FLT1: variants seen among roughly 807,000 people sequenced by gnomAD.
FLT1 encodes vascular endothelial growth factor receptor 1.
In FLT1, 49 loss-of-function variants were observed where a neutral mutation model predicts 156.3. The observed-to-expected ratio is 0.31, with a 90% CI of 0.25 to 0.40. The LOEUF (loss-of-function observed/expected upper bound fraction) is 0.40, where lower values mean the gene tolerates loss of function less well. FLT1 is among the 10% of genes least tolerant of loss of function. The pLI is 1.00. For missense variants in FLT1, 1,322 were observed against 1,637.2 expected, an observed-to-expected ratio of 0.81 and a Z score of 3.32; for synonymous variants, 594 against 583.8, an observed-to-expected ratio of 1.02 and a Z score of -0.25.
At chr13:28,334,898 G>A (rs1327472826) in intron 17 of FLT1, among the ~76,000 whole-genome samples, 1 of 152,110 alleles carries the variant, frequency 6.6e-6, no homozygotes. Context: ...TGGGGGGCAA[G>A]GACCATGTCT....
chr13:28,387,808 TA>T (rs11400597), intron 13 of FLT1: 490 of 925,988 alleles, frequency 5.3e-4, no homozygotes, highest in African/African-American at 3.6e-3. Flanking sequence ...AAAGTTTCTT[TA>T]AAAAAAAAAA....
intron 1 of FLT1, among the ~76,000 whole-genome samples, chr13:28,472,249 C>T (rs1566048954): frequency 6.6e-6 from 1 of 152,174 alleles, no homozygotes; most frequent in African/African-American, 2.4e-5. Flanking sequence ...GGAATGTTTT[C>T]TTTGACTTCA....
Position 28,425,514 on chromosome 13 carries a change from T to C in FLT1, c.1436+1645A>G, listed in dbSNP as rs537719423. 4.3e-5 allele frequency among the ~76,000 whole-genome samples: 6 copies of C among 138,150 alleles called. No homozygotes were observed. In the South Asian group the frequency reaches 1.4e-3, roughly 32 times the overall value. The allele number at this position is 138,150 out of a possible 152,430, so 90.6% of individuals were successfully genotyped here. ...TGGCCTCATTCCCCAAACCATATTT[T>C]ATTAGCATCACTTAAACCCAAATTT... On this transcript the variant is annotated intron_variant, in intron 10 of 29. Coordinates refer to ENST00000282397, the MANE Select transcript of FLT1 (RefSeq NM_002019.4).
chr13:28,374,560 G>A (rs1443475836), intron 14 of FLT1, among the ~76,000 whole-genome samples: 1 of 151,366 alleles, frequency 6.6e-6, no homozygotes, highest in Non-Finnish European at 1.5e-5. Context: ...CGCCCAGGCT[G>A]GAGTACAGTG....
At chr13:28,427,536 T>C (rs1877419026) in intron 9 of FLT1, among the ~76,000 whole-genome samples, 1 of 152,196 alleles carries the variant, frequency 6.6e-6, no homozygotes, top group Non-Finnish European at 1.5e-5. Flanking sequence ...CCATGGTATG[T>C]ACATTGTGAT....
chr13:28,417,898 T>A (rs1876754866), intron 10 of FLT1, among the ~76,000 whole-genome samples: 1 of 152,174 alleles, frequency 6.6e-6, no homozygotes, highest in African/African-American at 2.4e-5. Flanking sequence ...CAAACCCTCA[T>A]GTTTCCTCCT....
intron 14 of FLT1, among the ~76,000 whole-genome samples, chr13:28,367,690 G>A (rs1466583384): frequency 6.6e-6 from 1 of 152,198 alleles, no homozygotes; most frequent in African/African-American, 2.4e-5. Flanking sequence ...CAGGCCATGT[G>A]TTTGCCTCCT....
intron 10 of FLT1, among the ~76,000 whole-genome samples, chr13:28,406,940 G>A (rs919146155): frequency 1.3e-5 from 2 of 152,146 alleles, no homozygotes; most frequent in Non-Finnish European, 2.9e-5. Flanking sequence ...AAAACGTTCC[G>A]TTACTATTCC....
intron 10 of FLT1, among the ~76,000 whole-genome samples, chr13:28,407,853 T>G (rs1422331296): frequency 6.6e-6 from 1 of 152,212 alleles, no homozygotes; most frequent in Non-Finnish European, 1.5e-5. Context: ...ATGACAAAGT[T>G]TAAAAGTCAT....
Position 28,427,312 on chromosome 13 carries a change from G to T in FLT1, c.1283C>A (p.Pro428His). 6.2e-7 allele frequency: 1 copy of T among 1,613,930 alleles called. No individual in the cohort carries two copies. Among genetic ancestry groups the T allele is most frequent in the Non-Finnish European group, 8.5e-7 (1 of 1,179,924 alleles). Residue 428 changes from proline (P) to histidine (H), a missense_variant, in exon 10 of 30, where the codon CCC (proline) becomes CAC (histidine). Pro to His is a moderately conservative substitution (Grantham distance 77). Around this residue, in one of 3 missense-constraint regions of FLT1, gnomAD observed 991 missense variants for 1,254.8 expected, o/e 0.79. Coordinates refer to ENST00000282397, the MANE Select transcript of FLT1 (RefSeq NM_002019.4). Reference protein sequence around the residue: ...LTATLIVNVKPQIYEKAVSSF... With the variant: ...LTATLIVNVKHQIYEKAVSSF... ...TGACACGGCCTTTTCGTAAATCTGG[G>T]GTTTCACTGGAAAGGAGATGAAGAA...
At chr13:28,372,055 T>C (rs1873602990) in intron 14 of FLT1, among the ~76,000 whole-genome samples, 1 of 48,238 alleles carries the variant, frequency 2.1e-5, no homozygotes, top group Admixed American at 2.1e-4. Flanking sequence ...TGTGTATATA[T>C]ATATATATAT....
intron 14 of FLT1, among the ~76,000 whole-genome samples, chr13:28,380,325 A>G (rs1444584683): frequency 3.3e-5 from 5 of 152,258 alleles, no homozygotes; most frequent in Admixed American, 2.0e-4. Flanking sequence ...AGATACTCAT[A>G]TATACAAACA....
At chr13:28,450,953 G>A (rs891206142) in intron 3 of FLT1, among the ~76,000 whole-genome samples, 1 of 152,206 alleles carries the variant, frequency 6.6e-6, no homozygotes, top group African/African-American at 2.4e-5. Flanking sequence ...CTCAGTGGGA[G>A]AAATGAGGGC....
intron 24 of FLT1, 113 bp from the exon 25 acceptor site, chr13:28,317,710 A>G (rs979851621): frequency 6.8e-6 from 5 of 738,394 alleles, no homozygotes; most frequent in African/African-American, 3.5e-5. Flanking sequence ...TTTTAGTAAT[A>G]AATTCCCAGG....
chr13:28,484,530 A>G (rs910126711), intron 1 of FLT1, among the ~76,000 whole-genome samples: 2 of 152,184 alleles, frequency 1.3e-5, no homozygotes, highest in Non-Finnish European at 2.9e-5. Flanking sequence ...CTACGATAAG[A>G]AAACTCACAT....
chr13:28,337,948 C>T (rs1178593010), intron 17 of FLT1, among the ~76,000 whole-genome samples: 1 of 152,206 alleles, frequency 6.6e-6, no homozygotes, highest in African/African-American at 2.4e-5. Context: ...GGCTAGCTGC[C>T]ATATAATTTA....
At chr13:28,411,633 T>G (rs1876196706) in intron 10 of FLT1, among the ~76,000 whole-genome samples, 1 of 152,022 alleles carries the variant, frequency 6.6e-6, no homozygotes, top group African/African-American at 2.4e-5. Flanking sequence ...TAACATATTT[T>G]TGTCTGCATG....
intron 25 of FLT1, among the ~76,000 whole-genome samples, chr13:28,312,334 C>T (rs1052386093): frequency 6.6e-6 from 1 of 152,134 alleles, no homozygotes; most frequent in Non-Finnish European, 1.5e-5. Context: ...ACCAACCCAC[C>T]AGAGCTCATG....
Position 28,345,494 on chromosome 13 carries a change from G to T in FLT1, c.2306C>A (p.Ala769Glu), listed in dbSNP as rs200840674. 1.2e-5 allele frequency: 19 copies of T among 1,613,070 alleles called. No homozygotes were observed. The highest frequency in any genetic ancestry group is 1.4e-5 in the Non-Finnish European group (17 of 1,179,446). ...GGTTAATAGGAGCCAGAAGAGAGTC[G>T]CAGCCACACAGGTGCATGTTAGAGT... Reference protein sequence around the residue: ...LITLTCTCVAATLFWLLLTLF... With the variant: ...LITLTCTCVAETLFWLLLTLF... The change falls in exon 16 of 30, where the codon GCG becomes GAG. Residue 769 changes from alanine (A) to glutamate (E), a missense_variant. Physicochemically the swap from Ala to Glu is moderately radical, Grantham distance 107 (BLOSUM62 -1). Around this residue, in one of 3 missense-constraint regions of FLT1, gnomAD observed 991 missense variants for 1,254.8 expected, o/e 0.79. Transcript: ENST00000282397.
Sources: allele counts gnomAD v4.1 joint callset (sites outside exome capture counted in the v4.1 genomes callset), GRCh38; gene constraint gnomAD v4.1.1; regional missense constraint gnomAD v4.1.1; transcripts MANE v1.5; gene names NCBI Gene and HGNC (gene_info 2026-07-23, HGNC 2026-07-21).